Variants in PI4KB observed in about 807,000 individuals in gnomAD.
PI4KB encodes the protein phosphatidylinositol 4-kinase beta.
Under a neutral mutation model 81.4 loss-of-function variants are expected in PI4KB, and 23 were observed. That is an observed-to-expected ratio of 0.28 (90% CI 0.20 to 0.40). The LOEUF is 0.40. Ranked by LOEUF, PI4KB falls within the 10% of genes least tolerant of loss-of-function variation. The pLI is 1.00. For missense variants in PI4KB, 651 were observed against 1,036.6 expected (o/e 0.63, Z 5.11); for synonymous variants, 381 against 406.8 (o/e 0.94, Z 0.76).
chr1:151,315,894 G>A lies in PI4KB; in HGVS notation c.588C>T (p.Pro196=), dbSNP rs754130802. 5.6e-6 allele frequency: 9 copies of A among 1,613,964 alleles called. No homozygotes were observed. Among genetic ancestry groups the A allele is most frequent in the Non-Finnish European group, 5.9e-6 (7 of 1,180,012 alleles). Residue 196 remains proline, a synonymous_variant, in exon 2 of 12, where the codon CCC becomes CCT. Transcript: ENST00000368873. ...MDEDVGDAIK[P]YIVHRCRQSI... is the part of the protein sequence containing the mutation. ...TCTGGCGGCAACGGTGGACTATGTAGGGCTTAATGGCATCACCCACGTCCT... is the reference window on the plus strand; with the variant it reads ...TCTGGCGGCAACGGTGGACTATGTAAGGCTTAATGGCATCACCCACGTCCT...
chr1:151,294,532 C>T lies in PI4KB; in HGVS notation c.2025G>A (p.Gly675=). Residue 675 remains glycine, a synonymous_variant, in exon 10 of 12, where the codon GGG becomes GGA. Transcript: ENST00000368873. The part of the protein sequence containing the change: ...YLLQVKDRHN[G]NILLDAEGHI... Reference sequence around the variant, plus strand: ...GGCCTTCTGCGTCCAAAAGGATATTCCCATTGTGTCTGAGGAGGGGGAATA... The same window carrying T: ...GGCCTTCTGCGTCCAAAAGGATATTTCCATTGTGTCTGAGGAGGGGGAATA... 1.9e-6 allele frequency: 3 copies of T among 1,614,018 alleles called. No individual in the cohort carries two copies. The highest frequency in any genetic ancestry group is 2.5e-6 in the Non-Finnish European group (3 of 1,179,986).
intron 1 of PI4KB, among the ~76,000 whole-genome samples, chr1:151,322,925 C>A (rs1649055036): frequency 6.6e-6 from 1 of 152,096 alleles, no homozygotes; most frequent in African/African-American, 2.4e-5. Context: ...TGAGCCACCA[C>A]AACTAGTCTC....
intron 1 of PI4KB, among the ~76,000 whole-genome samples, chr1:151,324,299 G>A (rs180804733): frequency 2.4e-4 from 36 of 152,268 alleles, no homozygotes; most frequent in Non-Finnish European, 5.3e-4. Context: ...CCTCAAAAGA[G>A]ACTCCATATC....
intron 5 of PI4KB, among the ~76,000 whole-genome samples, chr1:151,305,304 T>C (rs1330353508): frequency 2.0e-5 from 3 of 152,238 alleles, no homozygotes; most frequent in Non-Finnish European, 2.9e-5. Flanking sequence ...CTGCTCTGGC[T>C]CTTCATGCCC....
chr1:151,323,397 C>T (rs1161876648), intron 1 of PI4KB, among the ~76,000 whole-genome samples: 2 of 151,252 alleles, frequency 1.3e-5, no homozygotes, highest in Non-Finnish European at 2.9e-5. Flanking sequence ...ATCTCAGCTA[C>T]TCGGGAGGCT....
In PI4KB at chr1:151,316,201, G is replaced by C. The variant is rs1405881539; in HGVS notation, c.281C>G (p.Pro94Arg). The C allele has an allele frequency of 6.2e-7, 1 of 1,614,110 alleles. No individual in the cohort carries two copies. The highest frequency in any genetic ancestry group is 8.5e-7 in the Non-Finnish European group (1 of 1,180,008). Residue 94 changes from proline (P) to arginine (R), a missense_variant, in exon 2 of 12, where the codon CCT becomes CGT. Physicochemically the swap from Pro to Arg is moderately radical, Grantham distance 103 (BLOSUM62 -2). Coordinates refer to ENST00000368873, the MANE Select transcript of PI4KB (RefSeq NM_001369623.2). Reference protein sequence around the residue: ...DSEIRCLDDPPAQIREEEDEM... With the variant: ...DSEIRCLDDPRAQIREEEDEM... Reference sequence around the variant, plus strand: ...ATCTTCCTCCTCCCTGATCTGGGCAGGTGGATCATCTAGGCAACGGATCTC... The same window carrying C: ...ATCTTCCTCCTCCCTGATCTGGGCACGTGGATCATCTAGGCAACGGATCTC...
Position 151,292,533 on chromosome 1 carries a change from GAGA to G in PI4KB, c.*316_*318del, listed in dbSNP as rs1694377223. The G allele has an allele frequency of 6.9e-6, 2 of 287,896 alleles. No individual in the cohort carries two copies. The highest frequency in any genetic ancestry group is 1.3e-5 in the Non-Finnish European group (2 of 151,480). 17.8% of individuals were successfully genotyped at this position (287,896 alleles called of 1,614,324 possible). A position where few individuals can be genotyped will look rare whatever the true frequency, so the allele number is the denominator to read the frequency against. On this transcript the variant is annotated 3_prime_UTR_variant, in exon 12 of 12. Transcript: ENST00000368873. ...AGAACCTCTGAGAGACCCCTACAAG[GAGA>G]AGAAAGGCCCCAGTGTCCCTCACAT...
intron 2 of PI4KB, among the ~76,000 whole-genome samples, chr1:151,312,112 A>T (rs1390296179): frequency 6.6e-6 from 1 of 152,250 alleles, no homozygotes; most frequent in East Asian, 1.9e-4. Flanking sequence ...GTGAAAAATC[A>T]GCACAAAGCC....
chr1:151,292,598 G>A lies in PI4KB; in HGVS notation c.*254C>T, dbSNP rs376248933. The A allele has an allele frequency of 3.1e-3, 1,566 of 502,556 alleles. 43 individuals carry two copies. The South Asian group carries it at 0.038, about 12-fold the overall frequency. 31.1% of individuals were successfully genotyped at this position (502,556 alleles called of 1,614,324 possible). A position where few individuals can be genotyped will look rare whatever the true frequency, so the allele number is the denominator to read the frequency against. ...GTTTTCTGGAGGGCAGTGAGTCCTG[G>A]AGTCAGTCTGGTGGTAATACTGACA... On this transcript the variant is annotated 3_prime_UTR_variant, in exon 12 of 12. Coordinates refer to ENST00000368873, the MANE Select transcript of PI4KB (RefSeq NM_001369623.2).
chr1:151,326,719 A>G (rs1406517133), intron 1 of PI4KB, among the ~76,000 whole-genome samples: 1 of 152,150 alleles, frequency 6.6e-6, no homozygotes, highest in East Asian at 1.9e-4. Context: ...GGAACAGGCA[A>G]TTCTTGGAAG....
At chr1:151,320,246 G>T (rs1219145858) in intron 1 of PI4KB, among the ~76,000 whole-genome samples, 2 of 152,166 alleles carry the variant, frequency 1.3e-5, no homozygotes, top group Non-Finnish European at 2.9e-5. Context: ...TGTTAGCCAG[G>T]ATGGTCTCGA....
intron 3 of PI4KB, among the ~76,000 whole-genome samples, chr1:151,309,581 G>A (rs1432351864): frequency 6.6e-6 from 1 of 152,204 alleles, no homozygotes; most frequent in African/African-American, 2.4e-5. Context: ...AGGGTCAGGG[G>A]TTAGTCCAGA....
At chr1:151,294,318 C>T in intron 10 of PI4KB, 91 bp downstream of exon 10, 1 of 1,518,408 alleles carries the variant, frequency 6.6e-7, no homozygotes, top group Non-Finnish European at 9.0e-7. Flanking sequence ...TTCTGTTCAT[C>T]CCTAATTTGC....
At chr1:151,312,369 C>A (rs1425126548) in intron 2 of PI4KB, among the ~76,000 whole-genome samples, 2 of 152,174 alleles carry the variant, frequency 1.3e-5, no homozygotes, top group Non-Finnish European at 2.9e-5. Flanking sequence ...TAGGGTCTAC[C>A]TAGAGATTCT....
At chr1:151,307,901 C>T in intron 3 of PI4KB, 100 bp from the exon 4 acceptor site, 1 of 855,126 alleles carries the variant, frequency 1.2e-6, no homozygotes, top group Admixed American at 2.1e-5. Flanking sequence ...GGGGACCCCA[C>T]TATCTGGAGA....
chr1:151,313,902 A>G (rs1647504005), intron 2 of PI4KB, among the ~76,000 whole-genome samples: 1 of 152,238 alleles, frequency 6.6e-6, no homozygotes, highest in Non-Finnish European at 1.5e-5. Flanking sequence ...CTGGTCTGAC[A>G]TTCACTAGTT....
chr1:151,303,362 G>A, intron 6 of PI4KB, 179 bp downstream of exon 6: 1 of 614,610 alleles, frequency 1.6e-6, no homozygotes, highest in Non-Finnish European at 2.9e-6. Context: ...GGTAGCCCAA[G>A]TAATTTCTCA....
Position 151,292,900 on chromosome 1 carries a change from G to A in PI4KB, c.2403C>T (p.Thr801=), listed in dbSNP as rs754878187. The change falls in exon 12 of 12, where the codon ACC becomes ACT. Residue 801 remains threonine, a synonymous_variant. Coordinates refer to ENST00000368873, the MANE Select transcript of PI4KB (RefSeq NM_001369623.2). ...ACTGGAAGCCGTCATAGAGTTTGGT[G>A]GTGATAGACCGCATACTGCCATCCA... is the stretch of plus-strand genomic sequence containing the variant. ...QMVDGSMRSI[T]TKLYDGFQYL... 4 of 1,614,030 alleles carry A rather than the reference G, an allele frequency of 2.5e-6. No homozygotes were observed. Among genetic ancestry groups the A allele is most frequent in the Admixed American group, 1.7e-5 (1 of 59,996 alleles).
intron 1 of PI4KB, among the ~76,000 whole-genome samples, chr1:151,324,013 G>A (rs1270976679): frequency 3.3e-5 from 5 of 151,300 alleles, no homozygotes; most frequent in African/African-American, 4.9e-5. Context: ...GTGCAGTGGC[G>A]CCATCTCAGC....
Sources: allele counts gnomAD v4.1 joint callset (sites outside exome capture counted in the v4.1 genomes callset), GRCh38; gene constraint gnomAD v4.1.1; transcripts MANE v1.5; gene names NCBI Gene and HGNC (gene_info 2026-07-23, HGNC 2026-07-21).